Variants in NEDD4 observed in about 807,000 individuals in gnomAD.
NEDD4 encodes the protein E3 ubiquitin-protein ligase NEDD4.
NEDD4 carries 99 observed loss-of-function variants against 144.9 expected under a neutral mutation model. The ratio of observed to expected loss-of-function variants is 0.68; its 90% CI spans 0.58 to 0.81. The LOEUF (loss-of-function observed/expected upper bound fraction) is 0.81, where lower values mean the gene tolerates loss of function less well. NEDD4 is among the 30% of genes least tolerant of loss of function. The pLI, the probability that NEDD4 is intolerant of heterozygous loss-of-function variation, is 0.00. For synonymous variants in NEDD4, 318 were observed against 350.6 expected (o/e 0.91, Z 1.04); for missense variants, 985 against 1,065.9 (o/e 0.92, Z 1.06).
intron 5 of NEDD4, among the ~76,000 whole-genome samples, chr15:55,903,841 C>CAA (rs2035995526): frequency 2.9e-5 from 1 of 33,994 alleles, no homozygotes; most frequent in Non-Finnish European, 5.6e-5. Context: ...AAAAAAAAAA[C>CAA]ACACATATAT....
At chr15:55,936,555 T>C (rs1689562844) in intron 4 of NEDD4, among the ~76,000 whole-genome samples, 1 of 152,200 alleles carries the variant, frequency 6.6e-6, no homozygotes, top group Admixed American at 6.5e-5. Context: ...TTCTATAACA[T>C]AATATAAACA....
chr15:55,859,325 C>G (rs1441581260), intron 11 of NEDD4, among the ~76,000 whole-genome samples: 3 of 152,156 alleles, frequency 2.0e-5, no homozygotes, highest in African/African-American at 7.2e-5. Context: ...GTGAAAATGT[C>G]ATCTATCTCC....
chr15:55,934,644 C>A (rs1274720074), intron 4 of NEDD4: 1 of 151,558 alleles, frequency 6.6e-6, no homozygotes, highest in Non-Finnish European at 1.5e-5. Context: ...GGAGAAAAAA[C>A]CCAAACAGTA....
chr15:55,943,572 G>C (rs978196374), intron 4 of NEDD4, among the ~76,000 whole-genome samples: 3 of 152,188 alleles, frequency 2.0e-5, no homozygotes, highest in Admixed American at 6.5e-5. Context: ...CCTGCAGGTG[G>C]GCACAGGGCA....
intron 4 of NEDD4, among the ~76,000 whole-genome samples, chr15:55,945,467 A>C (rs1466546735): frequency 6.6e-6 from 1 of 152,216 alleles, no homozygotes; most frequent in African/African-American, 2.4e-5. Context: ...TTAGAGAAAA[A>C]AGAATAAAAA....
At chr15:55,897,538 A>T (rs1011289687) in intron 5 of NEDD4, among the ~76,000 whole-genome samples, 5 of 152,210 alleles carry the variant, frequency 3.3e-5, no homozygotes, top group African/African-American at 1.2e-4. Flanking sequence ...GCCCATTTCA[A>T]AAGGGTCAGT....
Position 55,837,989 on chromosome 15 carries a change from T to TA in NEDD4, c.2201+117dup. 5 of 898,924 alleles carry TA rather than the reference T, an allele frequency of 5.6e-6. No homozygotes were observed. In the Middle Eastern group the frequency reaches 7.2e-4, roughly 130 times the overall value. 55.7% of individuals were successfully genotyped at this position (898,924 alleles called of 1,614,324 possible). On this transcript the variant is annotated intron_variant, in intron 23 of 28. Coordinates refer to ENST00000435532, the MANE Select transcript of NEDD4 (RefSeq NM_006154.4). ...ATGAGTGCTTGCTACTGCATTGTGA[T>TA]AGAGAAAAAGAACACTGAGATTCTG...
intron 1 of NEDD4, 64 bp from the exon 2 acceptor site, chr15:55,966,610 T>A (rs540116563): frequency 3.8e-5 from 29 of 773,084 alleles, no homozygotes; most frequent in African/African-American, 3.6e-4. Context: ...CACAATTTTT[T>A]AAAAAATATA....
intron 2 of NEDD4, among the ~76,000 whole-genome samples, chr15:55,960,512 A>G (rs903414945): frequency 6.6e-6 from 1 of 152,156 alleles, no homozygotes; most frequent in Non-Finnish European, 1.5e-5. Context: ...TTGTACCTTC[A>G]GCCACAGACT....
rs61754989 is a variant in NEDD4 at position 55,852,431 on chromosome 15, G to A, written c.1139C>T (p.Thr380Ile). ...NSRTTTWTKP[T>I]VQATVETSQL... Reference sequence around the variant, plus strand: ...TGATAGATTACAGGATACCTGTACAGTGGGCTTTGTCCAAGTAGTCGTTCT... The same window carrying A: ...TGATAGATTACAGGATACCTGTACAATGGGCTTTGTCCAAGTAGTCGTTCT... The change falls in exon 13 of 29, where the codon ACT (threonine) becomes ATT (isoleucine). Residue 380 changes from threonine to isoleucine, a missense_variant. Physicochemically the swap from Thr to Ile is moderately conservative, Grantham distance 89 (BLOSUM62 -1). Coordinates refer to ENST00000435532, the MANE Select transcript of NEDD4 (RefSeq NM_006154.4). 8,037 of 1,611,366 alleles carry A rather than the reference G, an allele frequency of 5.0e-3. 29 individuals are homozygous for A. The highest frequency in any genetic ancestry group is 5.9e-3 in the Non-Finnish European group (6,925 of 1,178,492).
chr15:55,988,486 T>TAAA (rs1491422042), intron 1 of NEDD4, among the ~76,000 whole-genome samples: 3 of 32,886 alleles, frequency 9.1e-5, no homozygotes, highest in East Asian at 6.1e-4. Context: ...AAAAAAAAAA[T>TAAA]TAAAAAAAAA....
At chr15:55,929,409 T>A (rs2036737381) in intron 4 of NEDD4, among the ~76,000 whole-genome samples, 1 of 152,154 alleles carries the variant, frequency 6.6e-6, no homozygotes, top group African/African-American at 2.4e-5. Flanking sequence ...GGTATGGGTT[T>A]TTTTGGTACA....
chr15:55,974,393 G>C (rs1207916591), intron 1 of NEDD4, among the ~76,000 whole-genome samples: 1 of 151,982 alleles, frequency 6.6e-6, no homozygotes, highest in Non-Finnish European at 1.5e-5. Context: ...TAGAGGAGGA[G>C]GAATACTTTC....
intron 5 of NEDD4, chr15:55,905,179 G>A (rs531346219): frequency 9.2e-5 from 37 of 402,664 alleles, no homozygotes; most frequent in African/African-American, 7.0e-4. Context: ...TAAGAATTCT[G>A]TAAGTAAATA....
chr15:55,872,557 C>T (rs991876311), intron 6 of NEDD4, 81 bp from the exon 7 acceptor site: 1 of 503,604 alleles, frequency 2.0e-6, no homozygotes, highest in Non-Finnish European at 3.3e-6. Flanking sequence ...TGAACTATCA[C>T]CTAAGGCATA....
chr15:55,833,256 T>C, intron 26 of NEDD4, 152 bp from the exon 27 acceptor site: 1 of 580,418 alleles, frequency 1.7e-6, no homozygotes, highest in Non-Finnish European at 3.0e-6. Context: ...ATAGATGGTT[T>C]ATAAAGTTCT....
intron 18 of NEDD4, among the ~76,000 whole-genome samples, chr15:55,843,939 G>C (rs1378818459): frequency 6.6e-6 from 1 of 152,106 alleles, no homozygotes; most frequent in African/African-American, 2.4e-5. Flanking sequence ...TTCTCATCTG[G>C]CGTATATGTG....
intron 5 of NEDD4, among the ~76,000 whole-genome samples, chr15:55,901,536 A>C (rs1814866236): frequency 6.6e-6 from 1 of 152,184 alleles, no homozygotes; most frequent in Non-Finnish European, 1.5e-5. Context: ...ATTGTGGCTT[A>C]ATTGTTAATA....
chr15:55,949,477 T>C (rs1257679785), intron 4 of NEDD4, among the ~76,000 whole-genome samples: 2 of 152,252 alleles, frequency 1.3e-5, no homozygotes, highest in African/African-American at 4.8e-5. Flanking sequence ...TTATAAATCA[T>C]GCTGCTGTAA....
Sources: gnomAD v4.1 joint callset for allele counts (sites outside exome capture counted in the v4.1 genomes callset) on GRCh38, gnomAD v4.1.1 for gene constraint, MANE v1.5 for transcripts, NCBI Gene and HGNC (gene_info 2026-07-23, HGNC 2026-07-21) for gene names.